Variants in TNPO1 observed in about 807,000 individuals in gnomAD.
The protein encoded by TNPO1 is transportin 1.
Under a neutral mutation model 119.5 loss-of-function variants are expected in TNPO1, and 8 were observed. The observed-to-expected ratio is 0.07, with a 90% CI of 0.04 to 0.12. The LOEUF (loss-of-function observed/expected upper bound fraction) is 0.12, where lower values mean the gene tolerates loss of function less well. TNPO1 is among the 10% of genes least tolerant of loss of function. TNPO1 has a pLI of 1.00. For synonymous variants in TNPO1, 362 were observed against 363.0 expected, an observed-to-expected ratio of 1.00 and a Z score of 0.03; for missense variants, 576 against 1,089.8, an observed-to-expected ratio of 0.53 and a Z score of 6.64.
chr5:72,875,576 C>G (rs1341310441), intron 7 of TNPO1, 39 bp from the exon 8 acceptor site: 1 of 1,597,982 alleles, frequency 6.3e-7, no homozygotes, highest in Admixed American at 1.7e-5. Context: ...TGTGTGTAAG[C>G]CTTTCTAAAA....
Position 72,888,154 on chromosome 5 carries a change from T to C in TNPO1, c.1380T>C (p.Ala460=), listed in dbSNP as rs1748791039. The C allele has an allele frequency of 6.2e-7, 1 of 1,614,170 alleles. No homozygotes were observed. The change falls in exon 13 of 25, where the codon GCT becomes GCC. Residue 460 remains alanine (A), a synonymous_variant. Transcript: ENST00000337273. The part of the protein sequence containing the change: ...HLIQCLSDKK[A]LVRSITCWTL... Reference sequence around the variant, plus strand: ...TTCAGTGCCTCTCTGATAAAAAGGCTCTTGTGCGTTCCATAACATGCTGGA... The same window carrying C: ...TTCAGTGCCTCTCTGATAAAAAGGCCCTTGTGCGTTCCATAACATGCTGGA...
At chr5:72,824,297 TCAC>T (rs1744109740) in intron 1 of TNPO1, among the ~76,000 whole-genome samples, 2 of 152,348 alleles carry the variant, frequency 1.3e-5, no homozygotes, top group Admixed American at 1.3e-4. Flanking sequence ...TTGTCCCACT[TCAC>T]CACATTACCC....
Position 72,825,068 on chromosome 5 carries a change from T to G in TNPO1, c.15+8316T>G, listed in dbSNP as rs1744144147. Among the ~76,000 whole-genome samples the G allele has an allele frequency of 2.6e-5, 4 of 152,264 alleles. No homozygotes were observed. The South Asian group carries it at 8.3e-4, about 32-fold the overall frequency. ...TCAGGACAATCTGTTTTCTGTATCG[T>G]CAAAATACATCGAAAATCCTATCAT... On this transcript the variant is annotated intron_variant, in intron 1 of 24. Coordinates refer to ENST00000337273, the MANE Select transcript of TNPO1 (RefSeq NM_002270.4).
chr5:72,819,753 G>A (rs1334474131), intron 1 of TNPO1, among the ~76,000 whole-genome samples: 7 of 152,138 alleles, frequency 4.6e-5, no homozygotes, highest in Non-Finnish European at 1.0e-4. Flanking sequence ...GCGCTTTGGA[G>A]CCACACTATT....
chr5:72,818,730 G>T (rs1743809768), intron 1 of TNPO1, among the ~76,000 whole-genome samples: 1 of 152,172 alleles, frequency 6.6e-6, no homozygotes, highest in Non-Finnish European at 1.5e-5. Context: ...GTGCTAAAAA[G>T]ATATCTTCCC....
intron 9 of TNPO1, chr5:72,878,510 G>T (rs61147641): frequency 6.6e-6 from 1 of 150,418 alleles, no homozygotes; most frequent in Non-Finnish European, 1.5e-5. Flanking sequence ...TTTTTCCCCA[G>T]ATGTTTATGG....
chr5:72,835,683 C>T (rs1455864421), intron 1 of TNPO1, among the ~76,000 whole-genome samples: 1 of 152,194 alleles, frequency 6.6e-6, no homozygotes, highest in Non-Finnish European at 1.5e-5. Context: ...AGGACACATT[C>T]AAATCATAGC....
chr5:72,819,211 G>T (rs534433625), intron 1 of TNPO1, among the ~76,000 whole-genome samples: 7 of 152,266 alleles, frequency 4.6e-5, no homozygotes, highest in African/African-American at 1.7e-4. Flanking sequence ...AGGCAAAGAG[G>T]GGGAAATCTG....
intron 22 of TNPO1, among the ~76,000 whole-genome samples, chr5:72,901,953 G>A (rs1561361305): frequency 2.0e-5 from 3 of 152,072 alleles, no homozygotes; most frequent in Non-Finnish European, 4.4e-5. Context: ...GCAGGTGCCT[G>A]TAATCCCAGC....
chr5:72,878,931 G>A (rs1429619051), intron 9 of TNPO1: 1 of 507,702 alleles, frequency 2.0e-6, no homozygotes, highest in Non-Finnish European at 4.0e-6. Context: ...CAGGAAGATT[G>A]CTTTGAAATT....
At chr5:72,884,510 TAA>T (rs765376687) in intron 11 of TNPO1, among the ~76,000 whole-genome samples, 17 of 152,238 alleles carry the variant, frequency 1.1e-4, no homozygotes, top group Non-Finnish European at 2.1e-4. Flanking sequence ...AAATTTATTA[TAA>T]GTTGCTTTGT....
At chr5:72,848,161 G>GGCAGCA in intron 1 of TNPO1, 3 of 1,206,332 alleles carry the variant, frequency 2.5e-6, no homozygotes, top group South Asian at 2.7e-5. Context: ...CGGCCGCGGC[G>GGCAGCA]GCAGCAGCAG....
chr5:72,854,752 A>G (rs1745849911), intron 3 of TNPO1, among the ~76,000 whole-genome samples: 1 of 152,214 alleles, frequency 6.6e-6, no homozygotes, highest in Admixed American at 6.5e-5. Context: ...GTTATGTTCT[A>G]CTAGTATTAA....
chr5:72,867,694 A>T (rs1169251701), intron 6 of TNPO1, among the ~76,000 whole-genome samples: 1 of 151,964 alleles, frequency 6.6e-6, no homozygotes, highest in Non-Finnish European at 1.5e-5. Flanking sequence ...ATTTCTTGAT[A>T]GATAATTTTA....
At chr5:72,828,235 G>A (rs1014714730) in intron 1 of TNPO1, among the ~76,000 whole-genome samples, 1 of 151,952 alleles carries the variant, frequency 6.6e-6, no homozygotes, top group Non-Finnish European at 1.5e-5. Context: ...AGAAGTTGTT[G>A]GGTTTGGCAC....
intron 9 of TNPO1, among the ~76,000 whole-genome samples, chr5:72,878,027 T>G (rs1429189785): frequency 2.0e-5 from 3 of 152,158 alleles, no homozygotes; most frequent in African/African-American, 7.2e-5. Flanking sequence ...TCTTTTCAGT[T>G]ATTGTATGCT....
rs1390749543 is a variant in TNPO1, at chr5:72,903,791, A to G, written c.2589+8A>G. The stretch of plus-strand genomic sequence containing the variant: ...AGAGACATGTTCTGTAAGGTAACTA[A>G]TAAGTCTTTATAATGCATCATCTTG... On this transcript the variant is annotated splice_region_variant and intron_variant, in intron 23 of 24. Transcript: ENST00000337273. 13 of 1,547,240 alleles carry G rather than the reference A, an allele frequency of 8.4e-6. No homozygotes were observed. The East Asian group carries it at 1.6e-4, about 19-fold the overall frequency.
At chr5:72,846,898 TTAA>T (rs1745154068) in intron 1 of TNPO1, among the ~76,000 whole-genome samples, 1 of 152,202 alleles carries the variant, frequency 6.6e-6, no homozygotes, top group Non-Finnish European at 1.5e-5. Context: ...CAATAAATAT[TTAA>T]TGATATACGA....
At position 72,877,330 on chromosome 5, in the gene TNPO1, G is replaced by A. The variant is rs1407804605; in HGVS notation, c.904G>A (p.Val302Ile). 11 of 1,595,758 alleles carry A rather than the reference G, an allele frequency of 6.9e-6. No individual in the cohort carries two copies. The highest frequency in any genetic ancestry group is 2.2e-5 in the South Asian group (2 of 89,612). ...AEQPICKDVL[V>I]RHLPKLIPVL... ...ACAGCCAATATGCAAAGATGTACTC[G>A]TAAGGCATCTTCCTAAGTAAGTGTT... Residue 302 changes from valine to isoleucine, a missense_variant, in exon 9 of 25, where the codon GTA (valine) becomes ATA (isoleucine). By Grantham distance (29) the Val-to-Ile change is conservative. Transcript: ENST00000337273.
Sources: allele counts gnomAD v4.1 joint callset (sites outside exome capture counted in the v4.1 genomes callset), GRCh38; gene constraint gnomAD v4.1.1; transcripts MANE v1.5; gene names NCBI Gene and HGNC (gene_info 2026-07-23, HGNC 2026-07-21).